SETD5: variants seen among roughly 807,000 people sequenced by gnomAD.
The protein encoded by SETD5 is histone-lysine N-methyltransferase SETD5.
Under a neutral mutation model 153.3 loss-of-function variants are expected in SETD5, and 44 were observed. The ratio of observed to expected loss-of-function variants is 0.29; its 90% CI spans 0.23 to 0.37. The LOEUF (loss-of-function observed/expected upper bound fraction) is 0.37. Among genes scored for constraint, SETD5 ranks in the 10% least tolerant of loss-of-function variants. The pLI, the probability that SETD5 is intolerant of heterozygous loss-of-function variation, is 1.00. For missense variants in SETD5, 1,544 were observed against 1,768.0 expected (o/e 0.87, Z 2.27); for synonymous variants, 716 against 645.2 (o/e 1.11, Z -1.66).
intron 1 of SETD5, among the ~76,000 whole-genome samples, chr3:9,406,922 A>C (rs889654040): frequency 6.6e-6 from 1 of 152,236 alleles, no homozygotes; most frequent in African/African-American, 2.4e-5. Flanking sequence ...TTCACAGATA[A>C]ATCAGGTAGT....
chr3:9,406,757 A>G (rs948823455), intron 1 of SETD5, among the ~76,000 whole-genome samples: 1 of 152,218 alleles, frequency 6.6e-6, no homozygotes, highest in African/African-American at 2.4e-5. Flanking sequence ...ATAGAACAAA[A>G]TAAGGGTGGG....
intron 17 of SETD5, among the ~76,000 whole-genome samples, chr3:9,459,590 G>A (rs1043098806): frequency 6.7e-5 from 10 of 149,594 alleles, no homozygotes; most frequent in Non-Finnish European, 7.4e-5. Context: ...CTAACACGGC[G>A]AAACCCCGTC....
intron 13 of SETD5, among the ~76,000 whole-genome samples, chr3:9,446,621 TAGC>T (rs903354083): frequency 6.6e-6 from 1 of 151,892 alleles, no homozygotes; most frequent in African/African-American, 2.4e-5. Context: ...GCCTCCCAAG[TAGC>T]TGGCATTACA....
At position 9,447,142 on chromosome 3, in the gene SETD5, C is replaced by G; in HGVS notation, c.1617C>G (p.Ser539Arg). The G allele has an allele frequency of 6.2e-7, 1 of 1,613,998 alleles. No individual in the cohort carries two copies. The highest frequency in any genetic ancestry group is 8.5e-7 in the Non-Finnish European group (1 of 1,179,894). Residue 539 changes from serine (S) to arginine (R), a missense_variant, in exon 14 of 23, where the codon AGC becomes AGG. Transcript: ENST00000402198. ...GGCGGGATCAGCCCTTGGAACAGAG[C>G]AACTCTGATGTAGAGATTACTACAA... The part of the protein sequence containing the change: ...KKRRDQPLEQ[S>R]NSDVEITTTT...
Position 9,431,393 on chromosome 3 carries a change from T to A in SETD5, c.71+2384T>A, listed in dbSNP as rs575832684. The A allele has an allele frequency of 1.0e-5, 10 of 984,320 alleles. No individual in the cohort carries two copies. The African/African-American group carries it at 1.7e-4, about 17-fold the overall frequency. 61.0% of individuals were successfully genotyped at this position (984,320 alleles called of 1,614,324 possible). On this transcript the variant is annotated intron_variant, in intron 3 of 22. Transcript: ENST00000402198. ...GGAGAAGAAAGCCTGTAATTACATT[T>A]GCATAAAGTGGTTGGCTGCTAAAGA...
In SETD5 at chr3:9,436,546, T is replaced by G. The variant is rs780713626; in HGVS notation, c.567+640T>G. 4.6e-5 allele frequency among the ~76,000 whole-genome samples: 7 copies of G among 151,820 alleles called. No individual in the cohort carries two copies. The East Asian group carries it at 1.2e-3, about 25-fold the overall frequency. ...AACTGGTAAATCTGCAACTTTAAAGTTTTTTTTTATTTACTTTTTCTCTTA... is the reference window on the plus strand; with the variant it reads ...AACTGGTAAATCTGCAACTTTAAAGGTTTTTTTTATTTACTTTTTCTCTTA... On this transcript the variant is annotated intron_variant, in intron 7 of 22. Coordinates refer to ENST00000402198, the MANE Select transcript of SETD5 (RefSeq NM_001080517.3).
rs150040990 is a variant in SETD5, at chr3:9,409,528, C to T, written c.-177+11551C>T. On this transcript the variant is annotated intron_variant, in intron 1 of 22. Coordinates refer to ENST00000402198, the MANE Select transcript of SETD5 (RefSeq NM_001080517.3). ...AAATTCTTTTGATTCATTCTTAATACTTTCCTCACTTGTTTCCTTGCTTCC... is the reference window on the plus strand; with the variant it reads ...AAATTCTTTTGATTCATTCTTAATATTTTCCTCACTTGTTTCCTTGCTTCC... Among the ~76,000 whole-genome samples, 202 of 152,222 alleles carry T rather than the reference C, an allele frequency of 1.3e-3. 4 individuals carry two copies. The East Asian group carries it at 0.024, about 18-fold the overall frequency.
intron 17 of SETD5, among the ~76,000 whole-genome samples, chr3:9,462,906 G>A (rs990060853): frequency 2.0e-5 from 3 of 151,050 alleles, no homozygotes; most frequent in Admixed American, 1.3e-4. Context: ...ATAGTCTGTG[G>A]TATATAATCA....
At chr3:9,428,460 TA>T (rs1249818134) in intron 2 of SETD5, among the ~76,000 whole-genome samples, 1 of 152,242 alleles carries the variant, frequency 6.6e-6, no homozygotes, top group Non-Finnish European at 1.5e-5. Flanking sequence ...TAAACTGGGA[TA>T]TTTTTAATAA....
At chr3:9,431,968 A>G (rs1479272131) in intron 3 of SETD5, 3 of 153,814 alleles carry the variant, frequency 2.0e-5, no homozygotes, top group African/African-American at 4.8e-5. Context: ...TAAATTAACA[A>G]TGTTGTATAA....
intron 2 of SETD5, among the ~76,000 whole-genome samples, chr3:9,426,685 G>A (rs1011546991): frequency 3.3e-5 from 5 of 151,824 alleles, no homozygotes; most frequent in South Asian, 2.1e-4. Flanking sequence ...GAGCCACCGC[G>A]CCTGGCGCAC....
At position 9,448,675 on chromosome 3, in the gene SETD5, C is replaced by G. The variant is rs372042295; in HGVS notation, c.2346+45C>G. On this transcript the variant is annotated intron_variant, in intron 16 of 22. Transcript: ENST00000402198. ...TGTGTGTTGTGTTTATGTGTGTGTG[C>G]TTTATTTTTTTAAGCCTAAGATTCC... 8 of 1,444,156 alleles carry G rather than the reference C, an allele frequency of 5.5e-6. No homozygotes were observed. The African/African-American group carries it at 1.1e-4, about 21-fold the overall frequency. 89.5% of individuals were successfully genotyped at this position (1,444,156 alleles called of 1,614,324 possible).
chr3:9,401,952 A>G (rs1305477739), intron 1 of SETD5, among the ~76,000 whole-genome samples: 1 of 152,222 alleles, frequency 6.6e-6, no homozygotes, highest in East Asian at 1.9e-4. Flanking sequence ...TATTCTTTCA[A>G]AGGCACTCTT....
intron 1 of SETD5, among the ~76,000 whole-genome samples, chr3:9,421,049 A>G (rs568286699): frequency 2.2e-4 from 33 of 152,004 alleles, no homozygotes; most frequent in African/African-American, 7.5e-4. Flanking sequence ...ATGAGTCAGC[A>G]CAACAGGTAT....
chr3:9,448,556 T>C lies in SETD5; in HGVS notation c.2272T>C (p.Phe758Leu). 6.2e-7 allele frequency: 1 copy of C among 1,613,840 alleles called. No individual in the cohort carries two copies. The highest frequency in any genetic ancestry group is 1.7e-4 in the Middle Eastern group (1 of 6,060). Residue 758 changes from phenylalanine (F) to leucine (L), a missense_variant, in exon 16 of 23, where the codon TTT becomes CTT. Physicochemically the swap from Phe to Leu is conservative, Grantham distance 22. Transcript: ENST00000402198. The stretch of plus-strand genomic sequence containing the variant: ...CACCACCCCCAAACACTACATTCGC[T>C]TTGGCTCACCCTTTATCCCTGAGAG... ...ICTTPKHYIRFGSPFIPERRR... is the reference protein window; with the variant it reads ...ICTTPKHYIRLGSPFIPERRR...
rs1367826373 is a variant in SETD5, at chr3:9,434,014, A to C, written c.177+64A>C. On this transcript the variant is annotated intron_variant, in intron 4 of 22. Transcript: ENST00000402198. This position sits in a 1 kb window ranked among gnomAD's most constrained non-coding sequence, Gnocchi z 5.6. The stretch of plus-strand genomic sequence containing the variant: ...CCTGGAGTGTAATCCATTCTTATAC[A>C]TTGTGACTTTCTTGAAATGTTTATA... 2.5e-6 allele frequency: 4 copies of C among 1,612,956 alleles called. No homozygotes were observed. Among genetic ancestry groups the C allele is most frequent in the African/African-American group, 1.3e-5 (1 of 75,000 alleles).
At chr3:9,401,960 C>G (rs2034849747) in intron 1 of SETD5, among the ~76,000 whole-genome samples, 1 of 152,176 alleles carries the variant, frequency 6.6e-6, no homozygotes. Context: ...CAAAGGCACT[C>G]TTTAGAAAGT....
intron 16 of SETD5, among the ~76,000 whole-genome samples, chr3:9,452,590 TGTTTACAG>T (rs111848682): frequency 0.25 from 38,275 of 150,504 alleles, 5,632 homozygotes; most frequent in African/African-American, 0.4. Context: ...TCCTTCCAAG[TGTTTACAG>T]GTTTACAGTT....
chr3:9,444,862 C>T (rs1041879496), intron 11 of SETD5, among the ~76,000 whole-genome samples, 186 bp from the exon 12 acceptor site: 11 of 151,940 alleles, frequency 7.2e-5, no homozygotes, highest in African/African-American at 2.7e-4. Flanking sequence ...GATGACAGAG[C>T]GAGATTCCGT....
Sources: allele counts gnomAD v4.1 joint callset (sites outside exome capture counted in the v4.1 genomes callset), GRCh38; gene constraint gnomAD v4.1.1; non-coding constraint Gnocchi (gnomAD v3.1); transcripts MANE v1.5; gene names NCBI Gene and HGNC (gene_info 2026-07-23, HGNC 2026-07-21).